Variants in ANTXRL observed in about 807,000 individuals in gnomAD.
ANTXRL encodes the protein ANTXR like.
ANTXRL carries 63 observed loss-of-function variants against 75.4 expected under a neutral mutation model. The ratio of observed to expected loss-of-function variants is 0.84; its 90% confidence interval spans 0.68 to 1.03. ANTXRL has a LOEUF of 1.03. Among genes scored for constraint, ANTXRL ranks in the 50% least tolerant of loss-of-function variants. The pLI is 0.00. For missense variants in ANTXRL, 797 were observed against 789.4 expected (o/e 1.01, Z -0.12); for synonymous variants, 335 against 291.3 (o/e 1.15, Z -1.53).
intron 9 of ANTXRL, among the ~76,000 whole-genome samples, chr10:46,299,398 A>G (rs1264115181): frequency 1.3e-5 from 2 of 152,164 alleles, no homozygotes; most frequent in South Asian, 2.1e-4. Flanking sequence ...GGGTCCCAGT[A>G]TGGGTTGTGA....
At chr10:46,325,763 C>A (rs1399031099) in intron 16 of ANTXRL, among the ~76,000 whole-genome samples, 1 of 152,126 alleles carries the variant, frequency 6.6e-6, no homozygotes, top group Non-Finnish European at 1.5e-5. Flanking sequence ...ATCTTAGGAA[C>A]TGAATGTAAA....
At chr10:46,305,150 C>T (rs546208629) in intron 10 of ANTXRL, among the ~76,000 whole-genome samples, 1 of 152,312 alleles carries the variant, frequency 6.6e-6, no homozygotes, top group African/African-American at 2.4e-5. Context: ...CTGAACACGC[C>T]TCCCCTGCAC....
intron 15 of ANTXRL, among the ~76,000 whole-genome samples, chr10:46,312,305 C>T (rs868940787): frequency 1.3e-5 from 2 of 149,688 alleles, no homozygotes; most frequent in African/African-American, 2.4e-5. Flanking sequence ...GCTTGAGCCC[C>T]GGAGCCAACA....
At chr10:46,310,634 C>A (rs546217108) in intron 14 of ANTXRL, 135 bp downstream of exon 14, 11 of 955,114 alleles carry the variant, frequency 1.2e-5, no homozygotes, top group African/African-American at 1.6e-5. Flanking sequence ...CAGAATGGAG[C>A]CTGAGAAGAT....
Position 46,329,349 on chromosome 10 carries a change from G to T in ANTXRL, c.1411-250G>T, listed in dbSNP as rs571922495. Among the ~76,000 whole-genome samples the T allele has an allele frequency of 7.9e-5, 12 of 152,244 alleles. No homozygotes were observed. The South Asian group carries it at 2.5e-3, about 32-fold the overall frequency. ...AGCAAACAATTTCGACTGGAGGGCT[G>T]AGGGAGTCCAGAGTCAGAGACCCAA... On this transcript the variant is annotated intron_variant, in intron 16 of 16. Coordinates refer to ENST00000620264, the MANE Select transcript of ANTXRL (RefSeq NM_001278688.3).
chr10:46,328,719 A>G (rs1229536241), intron 16 of ANTXRL, among the ~76,000 whole-genome samples: 8 of 152,020 alleles, frequency 5.3e-5, no homozygotes, highest in African/African-American at 1.5e-4. Context: ...GTTGCACCAC[A>G]TTGCCTTTCT....
At chr10:46,308,657 C>T (rs1212421114) in intron 12 of ANTXRL, 4 of 350,444 alleles carry the variant, frequency 1.1e-5, no homozygotes, top group African/African-American at 2.2e-5. Context: ...GGCTCATTCC[C>T]TTTGCACAGG....
intron 3 of ANTXRL, 146 bp from the exon 4 acceptor site, chr10:46,295,873 G>A (rs1837347276): frequency 1.1e-5 from 8 of 706,960 alleles, no homozygotes; most frequent in African/African-American, 7.1e-5. Flanking sequence ...ATCACAATGA[G>A]GAATGAGGAG....
At chr10:46,307,022 C>A in intron 11 of ANTXRL, 150 bp downstream of exon 11, 1 of 686,472 alleles carries the variant, frequency 1.5e-6, no homozygotes, top group Non-Finnish European at 2.4e-6. Flanking sequence ...CCCCACATCC[C>A]TTGTTAGTGA....
At chr10:46,309,559 G>A (rs1197431507) in intron 13 of ANTXRL, among the ~76,000 whole-genome samples, 1 of 152,242 alleles carries the variant, frequency 6.6e-6, no homozygotes, top group African/African-American at 2.4e-5. Flanking sequence ...AGGGCCAGGA[G>A]GTGGCCTCTG....
rs186555811 is a variant in ANTXRL at position 46,294,529 on chromosome 10, C to T, written c.392+629C>T. On this transcript the variant is annotated intron_variant, in intron 3 of 16. Coordinates refer to ENST00000620264, the MANE Select transcript of ANTXRL (RefSeq NM_001278688.3). ...TGAGGGCACTTCCAATGCACATGCCCGGAACTGGGCCCAGAGGAGATGAAG... is the reference window on the plus strand; with the variant it reads ...TGAGGGCACTTCCAATGCACATGCCTGGAACTGGGCCCAGAGGAGATGAAG... Among the ~76,000 whole-genome samples, 227 of 152,192 alleles carry T rather than the reference C, an allele frequency of 1.5e-3. 3 individuals are homozygous for T. Among genetic ancestry groups the T allele is most frequent in the African/African-American group, 5.1e-3 (210 of 41,490 alleles).
intron 9 of ANTXRL, among the ~76,000 whole-genome samples, chr10:46,299,148 G>A (rs1440028058): frequency 2.0e-5 from 3 of 152,076 alleles, no homozygotes; most frequent in Admixed American, 2.0e-4. Flanking sequence ...GAGCTGAAAT[G>A]TCTGTGTAAT....
At position 46,329,940 on chromosome 10, in the gene ANTXRL, C is replaced by A; in HGVS notation, c.1752C>A (p.Leu584=). 1 of 1,535,704 alleles carries A rather than the reference C, an allele frequency of 6.5e-7. No homozygotes were observed. The highest frequency in any genetic ancestry group is 1.2e-5 in the South Asian group (1 of 84,034). Residue 584 remains leucine, a synonymous_variant, in exon 17 of 17, where the codon CTC becomes CTA. Coordinates refer to ENST00000620264, the MANE Select transcript of ANTXRL (RefSeq NM_001278688.3). The part of the protein sequence containing the change: ...KSCLQPSREC[L]PLTCSSRCRL... ...GCCTTCAACCCAGCCGGGAGTGCCTCCCCCTCACCTGCTCCTCCAGGTGCC... is the reference window on the plus strand; with the variant it reads ...GCCTTCAACCCAGCCGGGAGTGCCTACCCCTCACCTGCTCCTCCAGGTGCC...
At chr10:46,326,112 T>G (rs1267883307) in intron 16 of ANTXRL, among the ~76,000 whole-genome samples, 3 of 151,742 alleles carry the variant, frequency 2.0e-5, no homozygotes, top group African/African-American at 7.3e-5. Flanking sequence ...TTTTTCATCT[T>G]CATGCTAAAA....
At chr10:46,301,836 C>A (rs1837763736) in intron 9 of ANTXRL, among the ~76,000 whole-genome samples, 1 of 152,188 alleles carries the variant, frequency 6.6e-6, no homozygotes, top group Admixed American at 6.5e-5. Flanking sequence ...CGGGGGCGCC[C>A]CAAGCATCAG....
rs113650392 is a variant in ANTXRL at position 46,298,084 on chromosome 10, G to C, written c.796+22G>C. ...GGAGGTGAGAGCTGCGGAGGCCCTG[G>C]GGTAGCCAAAGGGTGGTGTGCATGA... On this transcript the variant is annotated intron_variant, in intron 9 of 16. Transcript: ENST00000620264. 12,940 of 1,422,080 alleles carry C rather than the reference G, an allele frequency of 9.1e-3. 1,678 individuals are homozygous for C. The highest frequency in any genetic ancestry group is 0.011 in the Non-Finnish European group (11,313 of 1,049,114). 88.1% of individuals were successfully genotyped at this position (1,422,080 alleles called of 1,614,324 possible).
intron 9 of ANTXRL, among the ~76,000 whole-genome samples, chr10:46,298,270 G>A (rs1837508570): frequency 6.6e-6 from 1 of 151,918 alleles, no homozygotes; most frequent in South Asian, 2.1e-4. Context: ...TAGTATGTCT[G>A]GGAAGTTGTG....
rs1166179113 is a variant in ANTXRL at position 46,327,685 on chromosome 10, A to T, written c.1411-1914A>T. 3.9e-5 allele frequency among the ~76,000 whole-genome samples: 6 copies of T among 152,204 alleles called. No individual in the cohort carries two copies. In the South Asian group the frequency reaches 1.2e-3, roughly 32 times the overall value. On this transcript the variant is annotated intron_variant, in intron 16 of 16. Transcript: ENST00000620264. Reference sequence around the variant, plus strand: ...ATTTGTCACTCACATGTCCAAGGGGAGGCTTTATGCATGAATGACAGGTTC... The same window carrying T: ...ATTTGTCACTCACATGTCCAAGGGGTGGCTTTATGCATGAATGACAGGTTC...
chr10:46,288,879 A>C (rs1836865505), intron 1 of ANTXRL, among the ~76,000 whole-genome samples: 1 of 152,144 alleles, frequency 6.6e-6, no homozygotes, highest in African/African-American at 2.4e-5. Context: ...AAGGGAGCAG[A>C]CAAAAGCAAC....
Sources: allele counts gnomAD v4.1 joint callset (sites outside exome capture counted in the v4.1 genomes callset), GRCh38; gene constraint gnomAD v4.1.1; transcripts MANE v1.5; gene names NCBI Gene and HGNC (gene_info 2026-07-23, HGNC 2026-07-21).